The following SDK1 variants were observed in gnomAD, a reference collection of about 807,000 sequenced individuals.
The protein encoded by SDK1 is protein sidekick-1.
Under a neutral mutation model 245.5 loss-of-function variants are expected in SDK1, and 157 were observed. The observed-to-expected ratio is 0.64, with a 90% confidence interval of 0.56 to 0.73. The LOEUF (loss-of-function observed/expected upper bound fraction) is 0.73. SDK1 is among the 30% of genes least tolerant of loss of function. The probability of loss-of-function intolerance (pLI) is 0.00; values close to 1 mark genes in which losing one functional copy is unlikely to be tolerated. For missense variants in SDK1, 3,583 were observed against 3,002.3 expected (o/e 1.19, Z -4.52); for synonymous variants, 1,647 against 1,278.5 (o/e 1.29, Z -6.15).
At chr7:4,209,502 C>T (rs962298282) in intron 37 of SDK1, among the ~76,000 whole-genome samples, 8 of 152,220 alleles carry the variant, frequency 5.3e-5, no homozygotes, top group African/African-American at 7.2e-5. Context: ...CACCAGCTCC[C>T]TCCCCGCTCC....
At chr7:3,801,681 G>A (rs932365057) in intron 4 of SDK1, among the ~76,000 whole-genome samples, 8 of 152,148 alleles carry the variant, frequency 5.3e-5, no homozygotes, top group African/African-American at 1.4e-4. Context: ...TGCTGTGGCT[G>A]CTCCCAGCTT....
intron 40 of SDK1, among the ~76,000 whole-genome samples, chr7:4,221,950 C>A (rs574095913): frequency 6.6e-6 from 1 of 152,130 alleles, no homozygotes; most frequent in Admixed American, 6.5e-5. Context: ...TGATCGGGTG[C>A]GTCGGATATG....
At chr7:4,157,136 G>T (rs937102179) in intron 30 of SDK1, among the ~76,000 whole-genome samples, 4 of 152,104 alleles carry the variant, frequency 2.6e-5, no homozygotes, top group Admixed American at 6.6e-5. Context: ...ACCGGCTGGG[G>T]CTTCACCAAG....
chr7:3,484,130 A>G (rs908547602), intron 1 of SDK1, among the ~76,000 whole-genome samples: 1 of 152,314 alleles, frequency 6.6e-6, no homozygotes, highest in Admixed American at 6.5e-5. Flanking sequence ...GGTTGATTCC[A>G]GGGTCCCCTG....
chr7:3,908,829 A>AT (rs200107496), intron 5 of SDK1, among the ~76,000 whole-genome samples: 3,843 of 131,076 alleles, frequency 0.029, 105 homozygotes, highest in African/African-American at 0.092. Context: ...GAAAGAATTC[A>AT]TTTTTTTTTT....
chr7:3,788,828 C>G (rs778210216), intron 4 of SDK1, among the ~76,000 whole-genome samples: 1 of 152,184 alleles, frequency 6.6e-6, no homozygotes, highest in Admixed American at 6.5e-5. Context: ...CCTTGCCTCT[C>G]CCAGTTCCGA....
At chr7:3,574,341 C>T (rs922946328) in intron 1 of SDK1, among the ~76,000 whole-genome samples, 3 of 152,094 alleles carry the variant, frequency 2.0e-5, no homozygotes, top group Admixed American at 2.0e-4. Context: ...TGGTTTCGAA[C>T]TCCTGACCTC....
intron 25 of SDK1, among the ~76,000 whole-genome samples, chr7:4,120,724 C>T (rs780976335): frequency 6.6e-6 from 1 of 152,054 alleles, no homozygotes; most frequent in African/African-American, 2.4e-5. Context: ...GCAAGCGATT[C>T]TCCTGCCTTA....
intron 1 of SDK1, among the ~76,000 whole-genome samples, chr7:3,605,258 T>C (rs1380748471): frequency 6.6e-6 from 1 of 152,214 alleles, no homozygotes; most frequent in Non-Finnish European, 1.5e-5. Context: ...GGATATATTG[T>C]GGAATTTTAG....
At chr7:3,525,576 T>G (rs867713118) in intron 1 of SDK1, among the ~76,000 whole-genome samples, 2 of 152,158 alleles carry the variant, frequency 1.3e-5, no homozygotes, top group Non-Finnish European at 2.9e-5. Flanking sequence ...TCCTTCTGAT[T>G]GCAAAGGCCT....
intron 1 of SDK1, among the ~76,000 whole-genome samples, chr7:3,352,461 C>G (rs960951664): frequency 6.6e-6 from 1 of 152,072 alleles, no homozygotes; most frequent in East Asian, 1.9e-4. Flanking sequence ...ACTGAAAACA[C>G]GAGATTTACA....
intron 22 of SDK1, among the ~76,000 whole-genome samples, chr7:4,089,621 G>A (rs1781661179): frequency 6.6e-6 from 1 of 152,214 alleles, no homozygotes; most frequent in African/African-American, 2.4e-5. Flanking sequence ...CCAGGGCAGG[G>A]AAGCTCCGTC....
intron 28 of SDK1, among the ~76,000 whole-genome samples, chr7:4,137,066 A>G (rs904593956): frequency 1.3e-5 from 2 of 152,220 alleles, no homozygotes; most frequent in African/African-American, 4.8e-5. Context: ...CTGGGGTCCC[A>G]GTGATGCTCA....
chr7:3,967,265 T>A (rs1782146694), intron 9 of SDK1, 53 bp from the exon 10 acceptor site: 1 of 1,382,912 alleles, frequency 7.2e-7, no homozygotes, highest in African/African-American at 1.4e-5. Flanking sequence ...GCCAGGCTGA[T>A]GTGAGCCTCT....
intron 1 of SDK1, among the ~76,000 whole-genome samples, chr7:3,363,405 T>G (rs1248875303): frequency 6.6e-6 from 1 of 152,178 alleles, no homozygotes; most frequent in East Asian, 1.9e-4. Flanking sequence ...TTTCGGTGGT[T>G]ACAAATAAAG....
chr7:3,469,708 G>A (rs1781123306), intron 1 of SDK1, among the ~76,000 whole-genome samples: 1 of 152,138 alleles, frequency 6.6e-6, no homozygotes, highest in Non-Finnish European at 1.5e-5. Flanking sequence ...CTTGAAGTCT[G>A]TTTTTCCTTC....
chr7:3,475,154 A>T (rs554712512), intron 1 of SDK1, among the ~76,000 whole-genome samples: 3 of 152,132 alleles, frequency 2.0e-5, no homozygotes, highest in Non-Finnish European at 4.4e-5. Context: ...TCTCTCCCTT[A>T]TGTAGAAGCT....
intron 4 of SDK1, among the ~76,000 whole-genome samples, chr7:3,694,754 CT>C (rs1381725910): frequency 2.6e-5 from 4 of 152,080 alleles, no homozygotes. Context: ...GCCCAGGAAC[CT>C]ACGTTTTTAC....
intron 1 of SDK1, among the ~76,000 whole-genome samples, chr7:3,413,912 G>A (rs1308623349): frequency 6.6e-6 from 1 of 152,148 alleles, no homozygotes; most frequent in Admixed American, 6.5e-5. Context: ...GTTCAAAGTT[G>A]CAGTGAGCAG....
Sources: allele counts gnomAD v4.1 joint callset (sites outside exome capture counted in the v4.1 genomes callset), GRCh38; gene constraint gnomAD v4.1.1; transcripts MANE v1.5; gene names NCBI Gene and HGNC (gene_info 2026-07-23, HGNC 2026-07-21).